The following CENPP variants were observed in gnomAD, a reference collection of about 807,000 sequenced individuals.
CENPP encodes centromere protein P.
CENPP carries 24 observed loss-of-function variants against 35.6 expected under a neutral mutation model. That is an observed-to-expected ratio of 0.67 (90% confidence interval 0.49 to 0.95). CENPP has a LOEUF of 0.95. Ranked by LOEUF, CENPP falls within the 40% of genes least tolerant of loss-of-function variation. The probability of loss-of-function intolerance (pLI) is 0.00; values close to 1 mark genes in which losing one functional copy is unlikely to be tolerated. For synonymous variants in CENPP, 120 were observed against 125.5 expected (o/e 0.96, Z 0.29); for missense variants, 332 against 345.3 (o/e 0.96, Z 0.31).
intron 5 of CENPP, among the ~76,000 whole-genome samples, chr9:92,563,128 T>C (rs1849886417): frequency 1.3e-5 from 2 of 152,350 alleles, no homozygotes; most frequent in African/African-American, 4.8e-5. Flanking sequence ...AAGAATTGTA[T>C]TGTGGAAATG....
At chr9:92,332,780 C>A (rs1840794009) in intron 2 of CENPP, among the ~76,000 whole-genome samples, 1 of 151,116 alleles carries the variant, frequency 6.6e-6, no homozygotes, top group South Asian at 2.1e-4. Context: ...TGCACTCCAC[C>A]CTGGGGGACA....
chr9:92,362,658 C>A (rs78329091), intron 4 of CENPP, among the ~76,000 whole-genome samples: 17,418 of 152,148 alleles, frequency 0.11, 1,054 homozygotes, highest in Middle Eastern at 0.15. Flanking sequence ...GATGACCACA[C>A]AATTACTACT....
rs1309356784 is a variant in CENPP, at chr9:92,613,684, G to C, written c.*535G>C. On this transcript the variant is annotated 3_prime_UTR_variant, in exon 8 of 8. Transcript: ENST00000375587. Reference sequence around the variant, plus strand: ...CTCAGCAAGTCCTCATGCTGTTCTTGGTCTTCCACAAGAAAGTGAAGCTGT... The same window carrying C: ...CTCAGCAAGTCCTCATGCTGTTCTTCGTCTTCCACAAGAAAGTGAAGCTGT... The C allele has an allele frequency of 6.4e-6, 1 of 156,806 alleles. No individual in the cohort carries two copies. Among genetic ancestry groups the C allele is most frequent in the Non-Finnish European group, 1.4e-5 (1 of 70,636 alleles). The allele number at this position is 156,806 out of a possible 1,614,324, so 9.7% of individuals were successfully genotyped here.
intron 3 of CENPP, among the ~76,000 whole-genome samples, chr9:92,343,777 C>G (rs966609132): frequency 6.6e-6 from 1 of 151,940 alleles, no homozygotes; most frequent in African/African-American, 2.4e-5. Flanking sequence ...GAGACCCTGT[C>G]TCTAAAAAAT....
chr9:92,401,627 A>G (rs1264095802), intron 5 of CENPP, among the ~76,000 whole-genome samples: 1 of 152,150 alleles, frequency 6.6e-6, no homozygotes, highest in African/African-American at 2.4e-5. Flanking sequence ...ACAAGTATAA[A>G]CTACCAATTA....
At chr9:92,401,402 G>T (rs1564301103) in intron 5 of CENPP, among the ~76,000 whole-genome samples, 1 of 152,146 alleles carries the variant, frequency 6.6e-6, no homozygotes, top group African/African-American at 2.4e-5. Flanking sequence ...TTGAGTAAAA[G>T]AACTGGGTGT....
chr9:92,604,268 A>C (rs1369507209), intron 5 of CENPP, among the ~76,000 whole-genome samples: 3 of 152,176 alleles, frequency 2.0e-5, no homozygotes, highest in Non-Finnish European at 4.4e-5. Flanking sequence ...GTGTGGTTTT[A>C]ATTTGCAATT....
intron 5 of CENPP, among the ~76,000 whole-genome samples, chr9:92,556,048 C>T (rs1849717668): frequency 6.6e-6 from 1 of 152,104 alleles, no homozygotes. Context: ...TTCCTCTTAG[C>T]ACCACTTTGC....
At chr9:92,333,882 G>A (rs1031929995) in intron 2 of CENPP, among the ~76,000 whole-genome samples, 15 of 152,182 alleles carry the variant, frequency 9.9e-5, no homozygotes, top group Admixed American at 3.3e-4. Context: ...TGTAGCTGAA[G>A]CTAGGTAATC....
At chr9:92,505,160 G>A (rs1846924783) in intron 5 of CENPP, among the ~76,000 whole-genome samples, 1 of 152,170 alleles carries the variant, frequency 6.6e-6, no homozygotes, top group South Asian at 2.1e-4. Context: ...CTCTGTTACG[G>A]TTAATACCTG....
At chr9:92,401,036 G>T in intron 5 of CENPP, 1 of 822,958 alleles carries the variant, frequency 1.2e-6, no homozygotes, top group Non-Finnish European at 2.1e-6. Flanking sequence ...AAGGAATAAA[G>T]TCCATTATAG....
chr9:92,417,519 A>T, intron 5 of CENPP: 2 of 1,607,370 alleles, frequency 1.2e-6, no homozygotes, highest in Non-Finnish European at 1.7e-6. Flanking sequence ...TTGACTCCAA[A>T]AAAGAAGAAA....
At chr9:92,602,109 T>C (rs1289378478) in intron 5 of CENPP, among the ~76,000 whole-genome samples, 1 of 152,102 alleles carries the variant, frequency 6.6e-6, no homozygotes, top group Non-Finnish European at 1.5e-5. Context: ...TGGGGCTGTG[T>C]CAGAAGAACC....
At chr9:92,563,844 A>C (rs1391539660) in intron 5 of CENPP, among the ~76,000 whole-genome samples, 1 of 142,664 alleles carries the variant, frequency 7.0e-6, no homozygotes, top group African/African-American at 2.6e-5. Context: ...GTGAGGCTGG[A>C]GGGTTGAGTG....
chr9:92,606,837 C>T (rs1469447477), intron 5 of CENPP, among the ~76,000 whole-genome samples: 1 of 151,998 alleles, frequency 6.6e-6, no homozygotes, highest in Non-Finnish European at 1.5e-5. Context: ...CCAGGAGGTG[C>T]CTATAGTCCC....
chr9:92,535,654 T>G (rs1849123984), intron 5 of CENPP, among the ~76,000 whole-genome samples: 1 of 151,440 alleles, frequency 6.6e-6, no homozygotes, highest in Non-Finnish European at 1.5e-5. Context: ...CTTTTAGGAC[T>G]TAAAAATTAA....
chr9:92,596,010 G>T (rs1410997184), intron 5 of CENPP, among the ~76,000 whole-genome samples: 2 of 152,094 alleles, frequency 1.3e-5, no homozygotes, highest in Admixed American at 6.5e-5. Flanking sequence ...CATCAAGTAT[G>T]AGGGAAAAAT....
At chr9:92,478,542 G>C (rs1425652021) in intron 5 of CENPP, among the ~76,000 whole-genome samples, 1 of 151,916 alleles carries the variant, frequency 6.6e-6, no homozygotes, top group East Asian at 1.9e-4. Flanking sequence ...CAACCTCCAC[G>C]TCCCAGGTTC....
At chr9:92,563,486 C>T (rs959937549) in intron 5 of CENPP, among the ~76,000 whole-genome samples, 7 of 152,082 alleles carry the variant, frequency 4.6e-5, no homozygotes, top group African/African-American at 4.8e-5. Flanking sequence ...ATAGTCTATA[C>T]GAAGGGATCA....
Sources: allele counts gnomAD v4.1 joint callset (sites outside exome capture counted in the v4.1 genomes callset), GRCh38; gene constraint gnomAD v4.1.1; transcripts MANE v1.5; gene names NCBI Gene and HGNC (gene_info 2026-07-23, HGNC 2026-07-21).